LPP: variants seen among roughly 807,000 people sequenced by gnomAD.
The protein encoded by LPP is LIM domain containing preferred translocation partner in lipoma.
Under a neutral mutation model 60.4 loss-of-function variants are expected in LPP, and 38 were observed. The ratio of observed to expected loss-of-function variants is 0.63; its 90% CI spans 0.49 to 0.83. The LOEUF (loss-of-function observed/expected upper bound fraction) is 0.83, where lower values mean the gene tolerates loss of function less well. Among genes scored for constraint, LPP ranks in the 40% least tolerant of loss-of-function variants. The probability of loss-of-function intolerance (pLI) is 0.00; values close to 1 mark genes in which losing one functional copy is unlikely to be tolerated. For missense variants in LPP, 902 were observed against 783.6 expected (o/e 1.15, Z -1.80); for synonymous variants, 328 against 290.8 (o/e 1.13, Z -1.30).
Position 188,854,244 on chromosome 3 carries a change from C to T in LPP, c.1411-11956C>T, listed in dbSNP as rs540791809. Among the ~76,000 whole-genome samples, 3 of 152,270 alleles carry T rather than the reference C, an allele frequency of 2.0e-5. No homozygotes were observed. The South Asian group carries it at 6.2e-4, about 32-fold the overall frequency. On this transcript the variant is annotated intron_variant, in intron 9 of 11. Transcript: ENST00000617246. ...GCTGTGCGTTTCATACCTAGTTAAT[C>T]TAAATCACTTTTGGCAGGGTGGGGG...
intron 4 of LPP, among the ~76,000 whole-genome samples, chr3:188,406,875 G>C (rs115711288): frequency 0.028 from 4,218 of 152,140 alleles, 58 homozygotes; most frequent in South Asian, 0.036. Flanking sequence ...CTAGTTCCAG[G>C]GGTTTTAATA....
intron 3 of LPP, among the ~76,000 whole-genome samples, chr3:188,354,273 G>A (rs928301299): frequency 6.6e-6 from 1 of 152,228 alleles, no homozygotes; most frequent in East Asian, 1.9e-4. Context: ...GATCTGTAGT[G>A]AATGTAACAT....
intron 2 of LPP, among the ~76,000 whole-genome samples, chr3:188,242,232 T>G (rs977183835): frequency 1.3e-5 from 2 of 152,154 alleles, no homozygotes; most frequent in Non-Finnish European, 1.5e-5. Flanking sequence ...TGGCTAAACT[T>G]GATTTCTACT....
chr3:188,424,832 A>C (rs889116323), intron 4 of LPP, among the ~76,000 whole-genome samples: 6 of 152,202 alleles, frequency 3.9e-5, no homozygotes, highest in African/African-American at 1.4e-4. Flanking sequence ...TATCAGCTTA[A>C]GGAGATTTTG....
intron 2 of LPP, among the ~76,000 whole-genome samples, chr3:188,320,712 G>A (rs1187983958): frequency 6.6e-6 from 1 of 152,164 alleles, no homozygotes; most frequent in Non-Finnish European, 1.5e-5. Flanking sequence ...GGTATGGAGA[G>A]GAAAAGGGCT....
intron 1 of LPP, among the ~76,000 whole-genome samples, chr3:188,222,609 G>GTTTC (rs1468452372): frequency 6.6e-6 from 1 of 152,070 alleles, no homozygotes; most frequent in Non-Finnish European, 1.5e-5. Flanking sequence ...GATATGACAA[G>GTTTC]ACTTGCTTTC....
intron 2 of LPP, among the ~76,000 whole-genome samples, chr3:188,262,470 T>C (rs2149698290): frequency 6.6e-6 from 1 of 152,284 alleles, no homozygotes; most frequent in South Asian, 2.1e-4. Context: ...GAAGTCCATT[T>C]TGCTATCAGA....
intron 2 of LPP, among the ~76,000 whole-genome samples, chr3:188,290,816 A>G (rs1292235232): frequency 6.6e-6 from 1 of 152,168 alleles, no homozygotes; most frequent in Non-Finnish European, 1.5e-5. Context: ...CTGAGGGTCA[A>G]TTCACTGGTC....
intron 3 of LPP, among the ~76,000 whole-genome samples, chr3:188,365,551 G>A (rs962495540): frequency 2.6e-4 from 40 of 152,262 alleles, no homozygotes; most frequent in African/African-American, 8.9e-4. Flanking sequence ...CTTAGAACAC[G>A]TACCTGCAAG....
At chr3:188,171,785 G>A (rs961286903) in intron 1 of LPP, among the ~76,000 whole-genome samples, 8 of 152,210 alleles carry the variant, frequency 5.3e-5, no homozygotes, top group African/African-American at 1.9e-4. Context: ...TAGGTTCTCA[G>A]CGTGGATTCT....
In LPP at chr3:188,506,354, AG is replaced by A. The variant is rs144021152; in HGVS notation, c.307-18309del. 2.4e-3 allele frequency among the ~76,000 whole-genome samples: 361 copies of A among 152,300 alleles called. 2 individuals carry two copies. The highest frequency in any genetic ancestry group is 8.2e-3 in the African/African-American group (342 of 41,552). The stretch of plus-strand genomic sequence containing the variant: ...TCCAACAACTGCTGGTTCAGAGTAA[AG>A]GCTACTATGAGTCAGTTAATAAATA... On this transcript the variant is annotated intron_variant, in intron 5 of 11. Coordinates refer to ENST00000617246, the MANE Select transcript of LPP (RefSeq NM_001375462.1).
intron 6 of LPP, among the ~76,000 whole-genome samples, chr3:188,554,682 A>C (rs1009988125): frequency 6.6e-6 from 1 of 152,192 alleles, no homozygotes; most frequent in African/African-American, 2.4e-5. Flanking sequence ...TTTGATTCCA[A>C]ATCAACAAGC....
chr3:188,339,827 G>A (rs1312533866), intron 2 of LPP, among the ~76,000 whole-genome samples: 3 of 152,286 alleles, frequency 2.0e-5, no homozygotes, highest in East Asian at 1.9e-4. Context: ...CTTGTGCTTC[G>A]ACACTTTGCC....
At chr3:188,358,244 A>G (rs1247789475) in intron 3 of LPP, among the ~76,000 whole-genome samples, 1 of 152,200 alleles carries the variant, frequency 6.6e-6, no homozygotes, top group Admixed American at 6.5e-5. Context: ...ATAATAGCTA[A>G]AGCCAGGATA....
At position 188,888,247 on chromosome 3, in the gene LPP, A is replaced by G. The variant is rs1010704667; in HGVS notation, c.*13768A>G. 10 of 223,002 alleles carry G rather than the reference A, an allele frequency of 4.5e-5. No homozygotes were observed. Among genetic ancestry groups the G allele is most frequent in the Non-Finnish European group, 9.0e-5 (10 of 111,544 alleles). 13.8% of individuals were successfully genotyped at this position (223,002 alleles called of 1,614,324 possible). A position where few individuals can be genotyped will look rare whatever the true frequency, so the allele number is the denominator to read the frequency against. ...GAATATGTGCAATTATGAGACATACAAAAAAGGAAAGGGAAAGGACTTTCT... is the reference window on the plus strand; with the variant it reads ...GAATATGTGCAATTATGAGACATACGAAAAAGGAAAGGGAAAGGACTTTCT... On this transcript the variant is annotated 3_prime_UTR_variant, in exon 12 of 12. Transcript: ENST00000617246.
intron 2 of LPP, among the ~76,000 whole-genome samples, chr3:188,256,429 A>G (rs566469126): frequency 2.6e-5 from 4 of 152,326 alleles, no homozygotes; most frequent in Admixed American, 1.3e-4. Flanking sequence ...TACAATAATT[A>G]TAATTGTTAC....
chr3:188,477,214 G>A (rs1803468812), intron 4 of LPP, among the ~76,000 whole-genome samples: 1 of 152,210 alleles, frequency 6.6e-6, no homozygotes, highest in South Asian at 2.1e-4. Context: ...CTTTGCTTTA[G>A]AGTCAAGAAG....
rs10527365 is a variant in LPP, at chr3:188,607,370, G to GAT, written c.430-1745_430-1744dup. Among the ~76,000 whole-genome samples, 715 of 102,134 alleles carry GAT rather than the reference G, an allele frequency of 7.0e-3. 5 individuals carry two copies. Among genetic ancestry groups the GAT allele is most frequent in the Non-Finnish European group, 9.5e-3 (442 of 46,352 alleles). 67.0% of individuals were successfully genotyped at this position (102,134 alleles called of 152,430 possible). A position where few individuals can be genotyped will look rare whatever the true frequency, so the allele number is the denominator to read the frequency against. On this transcript the variant is annotated intron_variant, in intron 6 of 11. Transcript: ENST00000617246. ...TATAACTGTATGTTTGAAAATAGAA[G>GAT]ATATATATATATATATATATATATA... is the stretch of plus-strand genomic sequence containing the variant.
At chr3:188,570,769 T>C (rs1039039421) in intron 6 of LPP, among the ~76,000 whole-genome samples, 1 of 151,870 alleles carries the variant, frequency 6.6e-6, no homozygotes, top group African/African-American at 2.4e-5. Flanking sequence ...AGGAAAGCAA[T>C]AGATCTAGTA....
Sources: gnomAD v4.1 joint callset for allele counts (sites outside exome capture counted in the v4.1 genomes callset) on GRCh38, gnomAD v4.1.1 for gene constraint, MANE v1.5 for transcripts, NCBI Gene and HGNC (gene_info 2026-07-23, HGNC 2026-07-21) for gene names.